The following VWC2L variants were observed in gnomAD, a reference collection of about 807,000 sequenced individuals.
VWC2L encodes von Willebrand factor C domain containing 2 like, also known as von Willebrand factor C domain-containing protein 2-like.
VWC2L carries 10 observed loss-of-function variants against 21.6 expected under a neutral mutation model. That is an observed-to-expected ratio of 0.46 (90% CI 0.29 to 0.78). The LOEUF (loss-of-function observed/expected upper bound fraction) is 0.78, where lower values mean the gene tolerates loss of function less well. Ranked by LOEUF, VWC2L falls within the 30% of genes least tolerant of loss-of-function variation. VWC2L has a pLI of 0.10. For synonymous variants in VWC2L, 96 were observed against 94.3 expected, an observed-to-expected ratio of 1.02 and a Z score of -0.10; for missense variants, 209 against 277.1, an observed-to-expected ratio of 0.75 and a Z score of 1.74.
rs530183439 is a variant in VWC2L, at chr2:214,463,944, C to T, written c.520+27186C>T. Among the ~76,000 whole-genome samples the T allele has an allele frequency of 1.6e-4, 25 of 152,178 alleles. No homozygotes were observed. The East Asian group carries it at 4.6e-3, about 28-fold the overall frequency. ...ATTCTGCTGCTGAGAGACTCTGATGCATTCTTCAATATGTCAGTTGAATTT... is the reference window on the plus strand; with the variant it reads ...ATTCTGCTGCTGAGAGACTCTGATGTATTCTTCAATATGTCAGTTGAATTT... On this transcript the variant is annotated intron_variant, in intron 3 of 3. Transcript: ENST00000312504.
chr2:214,467,414 G>A (rs1372732832), intron 3 of VWC2L, among the ~76,000 whole-genome samples: 1 of 152,088 alleles, frequency 6.6e-6, no homozygotes, highest in African/African-American at 2.4e-5. Context: ...CTCAACTTTT[G>A]CAGAAGTCAT....
At chr2:214,485,537 G>C (rs564017503) in intron 3 of VWC2L, among the ~76,000 whole-genome samples, 18 of 152,318 alleles carry the variant, frequency 1.2e-4, no homozygotes, top group South Asian at 4.1e-4. Context: ...TGGCCGAAGA[G>C]ATGAAGGCTG....
rs1014186766 is a variant in VWC2L, at chr2:214,414,128, A to T, written c.-66A>T. The stretch of plus-strand genomic sequence containing the variant: ...TTTATTTTCAGCCTACCCCTCTTGT[A>T]TTCCCATGGAAGGAGCTGAGTATAT... On this transcript the variant is annotated 5_prime_UTR_variant, in exon 2 of 4. Transcript: ENST00000312504. The T allele has an allele frequency of 2.6e-6, 4 of 1,514,384 alleles. No homozygotes were observed. The African/African-American group carries it at 4.2e-5, about 16-fold the overall frequency. The allele number at this position is 1,514,384 out of a possible 1,614,324, so 93.8% of individuals were successfully genotyped here. A position where few individuals can be genotyped will look rare whatever the true frequency, so the allele number is the denominator to read the frequency against.
At chr2:214,538,094 TGA>T (rs1232092829) in intron 3 of VWC2L, among the ~76,000 whole-genome samples, 1 of 152,060 alleles carries the variant, frequency 6.6e-6, no homozygotes, top group African/African-American at 2.4e-5. Context: ...TTGGAAATTG[TGA>T]GGAGTCATGG....
intron 3 of VWC2L, among the ~76,000 whole-genome samples, chr2:214,540,292 C>T (rs1689606378): frequency 6.6e-6 from 1 of 152,080 alleles, no homozygotes; most frequent in Admixed American, 6.6e-5. Flanking sequence ...CTTTCTTAAA[C>T]TTCAAAATAA....
chr2:214,453,619 C>T (rs1172824530), intron 3 of VWC2L, among the ~76,000 whole-genome samples: 2 of 152,090 alleles, frequency 1.3e-5, no homozygotes, highest in Non-Finnish European at 2.9e-5. Context: ...TGGTATGTCT[C>T]TCCATTTATT....
At chr2:214,426,303 C>T (rs1292696972) in intron 2 of VWC2L, among the ~76,000 whole-genome samples, 12 of 151,502 alleles carry the variant, frequency 7.9e-5, no homozygotes, top group African/African-American at 2.9e-4. Context: ...AAAGGCAAAG[C>T]TTATTCAGAG....
At chr2:214,559,034 A>G (rs1391526742) in intron 3 of VWC2L, among the ~76,000 whole-genome samples, 1 of 128,056 alleles carries the variant, frequency 7.8e-6, no homozygotes, top group African/African-American at 3.3e-5. Flanking sequence ...CCCCCACCCC[A>G]TCAGAGTGAA....
intron 1 of VWC2L, among the ~76,000 whole-genome samples, chr2:214,412,530 C>G (rs1702294879): frequency 6.6e-6 from 1 of 152,004 alleles, no homozygotes; most frequent in East Asian, 1.9e-4. Context: ...TTTGCATTTT[C>G]TTGTTCTGTC....
intron 3 of VWC2L, among the ~76,000 whole-genome samples, chr2:214,489,317 A>G (rs1219701424): frequency 6.6e-6 from 1 of 152,196 alleles, no homozygotes; most frequent in African/African-American, 2.4e-5. Context: ...TAAGGAGAGA[A>G]ATAGAATATA....
At chr2:214,426,016 A>C (rs1702519306) in intron 2 of VWC2L, among the ~76,000 whole-genome samples, 4 of 151,862 alleles carry the variant, frequency 2.6e-5, no homozygotes, top group African/African-American at 9.7e-5. Context: ...TACTAAAAAT[A>C]CAAAGATTAG....
chr2:214,541,174 T>C (rs893761903), intron 3 of VWC2L, among the ~76,000 whole-genome samples: 7 of 152,174 alleles, frequency 4.6e-5, no homozygotes, highest in South Asian at 2.1e-4. Context: ...AAGAGCATTA[T>C]GTCCTCTATT....
intron 1 of VWC2L, among the ~76,000 whole-genome samples, chr2:214,413,240 G>T (rs182033485): frequency 1.3e-5 from 2 of 151,716 alleles, no homozygotes; most frequent in Non-Finnish European, 2.9e-5. Flanking sequence ...CTCATAAATT[G>T]TATTTATATT....
intron 3 of VWC2L, among the ~76,000 whole-genome samples, chr2:214,533,180 A>G (rs1201868620): frequency 1.3e-5 from 2 of 152,092 alleles, no homozygotes; most frequent in African/African-American, 4.8e-5. Context: ...TTTGTAACCC[A>G]GAAACACAAT....
intron 3 of VWC2L, among the ~76,000 whole-genome samples, chr2:214,508,387 T>G (rs189903813): frequency 6.6e-6 from 1 of 152,314 alleles, no homozygotes; most frequent in African/African-American, 2.4e-5. Flanking sequence ...TCTCCCCTTT[T>G]CATCCCACAT....
intron 3 of VWC2L, among the ~76,000 whole-genome samples, chr2:214,528,297 C>A (rs1378945870): frequency 6.6e-6 from 1 of 152,164 alleles, no homozygotes; most frequent in Non-Finnish European, 1.5e-5. Context: ...AATTATTCTT[C>A]ATGAATCATG....
chr2:214,575,905 CAA>C lies in VWC2L; in HGVS notation c.*87_*88del. On this transcript the variant is annotated 3_prime_UTR_variant, in exon 4 of 4. Coordinates refer to ENST00000312504, the MANE Select transcript of VWC2L (RefSeq NM_001080500.4). ...CATGTTTAACACAAAACAAAACAAA[CAA>C]ACTCCTGCCAGCTACAACAGGGTCA... is the stretch of plus-strand genomic sequence containing the variant. The C allele has an allele frequency of 6.9e-7, 1 of 1,447,926 alleles. No homozygotes were observed. Among genetic ancestry groups the C allele is most frequent in the African/African-American group, 1.4e-5 (1 of 70,836 alleles). 89.7% of individuals were successfully genotyped at this position (1,447,926 alleles called of 1,614,324 possible).
rs557186205 is a variant in VWC2L, at chr2:214,522,472, C to T, written c.521-53200C>T. The stretch of plus-strand genomic sequence containing the variant: ...ATTCAATTTTTAGTGGGTACATAGT[C>T]GGTGTCTATATTTATGGGGTACAGG... On this transcript the variant is annotated intron_variant, in intron 3 of 3. Coordinates refer to ENST00000312504, the MANE Select transcript of VWC2L (RefSeq NM_001080500.4). Among the ~76,000 whole-genome samples the T allele has an allele frequency of 4.7e-3, 710 of 151,228 alleles. 3 individuals carry two copies. Among genetic ancestry groups the T allele is most frequent in the Non-Finnish European group, 8.0e-3 (546 of 67,916 alleles).
At chr2:214,536,734 A>T (rs1422580077) in intron 3 of VWC2L, 1 of 152,058 alleles carries the variant, frequency 6.6e-6, no homozygotes, top group Admixed American at 6.6e-5. Context: ...CCATGCTTGA[A>T]ATATTCCCAA....
Sources: gnomAD v4.1 joint callset for allele counts (sites outside exome capture counted in the v4.1 genomes callset) on GRCh38, gnomAD v4.1.1 for gene constraint, MANE v1.5 for transcripts, NCBI Gene and HGNC (gene_info 2026-07-23, HGNC 2026-07-21) for gene names.